The following VDAC1 variants were observed in gnomAD, a reference collection of about 807,000 sequenced individuals.
VDAC1 encodes voltage dependent anion channel 1.
Under a neutral mutation model 34.7 loss-of-function variants are expected in VDAC1, and 10 were observed. The observed-to-expected ratio is 0.29, with a 90% CI of 0.18 to 0.49. The LOEUF (loss-of-function observed/expected upper bound fraction) is 0.49. Among genes scored for constraint, VDAC1 ranks in the 20% least tolerant of loss-of-function variants. VDAC1 has a pLI of 0.99. For missense variants in VDAC1, 230 were observed against 347.9 expected (o/e 0.66, Z 2.69); for synonymous variants, 130 against 136.0 (o/e 0.96, Z 0.30).
chr5:134,109,206 A>G, the VDAC1 span, among the ~76,000 whole-genome samples: 5 of 152,240 alleles, frequency 3.3e-5, no homozygotes, highest in Non-Finnish European at 5.9e-5. Flanking sequence ...GCCAGGCCCT[A>G]GGGATAAGCA....
the VDAC1 span, among the ~76,000 whole-genome samples, chr5:134,082,607 A>G: frequency 4.6e-5 from 7 of 152,394 alleles, no homozygotes; most frequent in East Asian, 1.3e-3. Context: ...TCTGGATCAT[A>G]TAATAGATAC....
At chr5:134,061,948 T>A in the VDAC1 span, among the ~76,000 whole-genome samples, 1 of 151,750 alleles carries the variant, frequency 6.6e-6, no homozygotes, top group Non-Finnish European at 1.5e-5. Flanking sequence ...CCTTCAATTC[T>A]GGATTGGTCA....
chr5:134,077,569 T>G, the VDAC1 span, among the ~76,000 whole-genome samples: 4 of 152,196 alleles, frequency 2.6e-5, no homozygotes, highest in African/African-American at 9.7e-5. Flanking sequence ...GCATGCCCCA[T>G]AAACCATCAT....
the VDAC1 span, among the ~76,000 whole-genome samples, chr5:134,096,247 G>T: frequency 6.6e-6 from 1 of 152,254 alleles, no homozygotes; most frequent in Non-Finnish European, 1.5e-5. Flanking sequence ...AGGGCAATGA[G>T]TCCTGGAAGA....
chr5:134,080,817 CAA>C, the VDAC1 span, among the ~76,000 whole-genome samples: 3 of 152,124 alleles, frequency 2.0e-5, no homozygotes, highest in South Asian at 2.1e-4. Context: ...GTATAACTGA[CAA>C]GAGGTTTTTT....
the VDAC1 span, among the ~76,000 whole-genome samples, chr5:134,055,584 T>A: frequency 8.3e-6 from 1 of 120,378 alleles, no homozygotes; most frequent in East Asian, 2.6e-4. Flanking sequence ...CACGCCCCGC[T>A]AATGTTTTTT....
intron 6 of VDAC1, among the ~76,000 whole-genome samples, chr5:133,980,128 A>T (rs961057065): frequency 2.6e-5 from 4 of 152,220 alleles, no homozygotes; most frequent in South Asian, 4.1e-4. Flanking sequence ...TAAATAAAAC[A>T]AGGTTTATGG....
chr5:133,978,257 C>A (rs1157155483), intron 6 of VDAC1, among the ~76,000 whole-genome samples: 2 of 151,982 alleles, frequency 1.3e-5, no homozygotes, highest in Admixed American at 1.3e-4. Flanking sequence ...ACCTCAAACT[C>A]CTGGGCTCAA....
chr5:134,010,241 A>G, the VDAC1 span, among the ~76,000 whole-genome samples: 4 of 152,086 alleles, frequency 2.6e-5, no homozygotes, highest in Non-Finnish European at 5.9e-5. Flanking sequence ...ACGGAACACA[A>G]CCTGGTTTCC....
chr5:133,988,183 G>C (rs149790750), intron 5 of VDAC1, among the ~76,000 whole-genome samples: 1 of 152,094 alleles, frequency 6.6e-6, no homozygotes, highest in East Asian at 1.9e-4. Context: ...TTATAGTTAC[G>C]TAAACCATTA....
chr5:134,025,118 A>G, the VDAC1 span, among the ~76,000 whole-genome samples: 1 of 152,222 alleles, frequency 6.6e-6, no homozygotes, highest in Admixed American at 6.5e-5. Context: ...CAATTTATAA[A>G]GAAAAGATCT....
the VDAC1 span, among the ~76,000 whole-genome samples, chr5:134,102,334 A>ACCC: frequency 2.5e-4 from 24 of 95,458 alleles, no homozygotes; most frequent in African/African-American, 9.5e-4. Context: ...CCCACCCTCT[A>ACCC]CCCCCCCCAC....
the VDAC1 span, among the ~76,000 whole-genome samples, chr5:134,065,984 G>A: frequency 1.3e-5 from 2 of 151,544 alleles, no homozygotes; most frequent in African/African-American, 4.9e-5. Flanking sequence ...GTAGAGATGG[G>A]GGGTCTCACC....
At chr5:134,083,325 A>G in the VDAC1 span, among the ~76,000 whole-genome samples, 3 of 151,234 alleles carry the variant, frequency 2.0e-5, no homozygotes, top group Non-Finnish European at 2.9e-5. Flanking sequence ...AGTAGCTGGG[A>G]CTACAGGCAC....
At chr5:134,060,880 C>CT in the VDAC1 span, among the ~76,000 whole-genome samples, 54 of 98,666 alleles carry the variant, frequency 5.5e-4, 6 homozygotes, top group South Asian at 2.8e-3. Context: ...TCTTCTTCTT[C>CT]TTTTTTTTTT....
chr5:134,089,810 T>G, the VDAC1 span, among the ~76,000 whole-genome samples: 1 of 152,022 alleles, frequency 6.6e-6, no homozygotes, highest in African/African-American at 2.4e-5. Context: ...GCCAACATGG[T>G]GAAACCCCGT....
At chr5:134,026,516 G>GAAAAAA in the VDAC1 span, among the ~76,000 whole-genome samples, 1 of 72,332 alleles carries the variant, frequency 1.4e-5, no homozygotes, top group Non-Finnish European at 2.6e-5. Flanking sequence ...CTCCGTCTCA[G>GAAAAAA]AAAAAAAAAA....
At chr5:133,985,726 T>C (rs1424129131) in intron 5 of VDAC1, among the ~76,000 whole-genome samples, 1 of 152,246 alleles carries the variant, frequency 6.6e-6, no homozygotes, top group Non-Finnish European at 1.5e-5. Context: ...GCCAAGTATG[T>C]GATTGGCACC....
At chr5:134,077,925 C>G in the VDAC1 span, among the ~76,000 whole-genome samples, 3 of 152,246 alleles carry the variant, frequency 2.0e-5, no homozygotes, top group South Asian at 4.1e-4. Flanking sequence ...AAAAAAGACC[C>G]TTCCCTTTGG....
Sources: allele counts gnomAD v4.1 joint callset (sites outside exome capture counted in the v4.1 genomes callset), GRCh38; gene constraint gnomAD v4.1.1; transcripts MANE v1.5; gene names NCBI Gene and HGNC (gene_info 2026-07-23, HGNC 2026-07-21).